BMP1: variants seen among roughly 807,000 people sequenced by gnomAD.
BMP1 encodes the protein mammalian tolloid protein.
In BMP1, 63 loss-of-function variants were observed where a neutral mutation model predicts 116.8. The ratio of observed to expected loss-of-function variants is 0.54; its 90% CI spans 0.44 to 0.67. The LOEUF is 0.67. Ranked by LOEUF, BMP1 falls within the 30% of genes least tolerant of loss-of-function variation. The pLI, the probability that BMP1 is intolerant of heterozygous loss-of-function variation, is 0.00. For synonymous variants in BMP1, 536 were observed against 533.4 expected (o/e 1.00, Z -0.07); for missense variants, 1,183 against 1,358.9 (o/e 0.87, Z 2.04).
At chr8:22,195,405 G>A in intron 12 of BMP1, 57 bp from the exon 13 acceptor site, 3 of 1,555,790 alleles carry the variant, frequency 1.9e-6, no homozygotes, top group Non-Finnish European at 1.7e-6. Flanking sequence ...GAGGCTCACA[G>A]CCAGCTTCTT....
rs777882480 is a variant in BMP1, at chr8:22,192,138, G to A, written c.1167G>A (p.Lys389=). Residue 389 remains lysine, a synonymous_variant, in exon 9 of 20, where the codon AAG becomes AAA. Coordinates refer to ENST00000306385, the MANE Select transcript of BMP1 (RefSeq NM_006129.5). Reference sequence around the variant, plus strand: ...AGGTCCGAGATGGCTTCTGGAGGAAGGCGCCCCTCCGAGGTAACGGCACCA... The same window carrying A: ...AGGTCCGAGATGGCTTCTGGAGGAAAGCGCCCCTCCGAGGTAACGGCACCA... The part of the protein sequence containing the change: ...YVEVRDGFWR[K]APLRGRFCGS... The A allele has an allele frequency of 5.6e-6, 9 of 1,613,454 alleles. No homozygotes were observed. The Admixed American group carries it at 1.3e-4, about 24-fold the overall frequency.
chr8:22,193,292 A>C (rs1828986451), intron 9 of BMP1, among the ~76,000 whole-genome samples: 1 of 152,232 alleles, frequency 6.6e-6, no homozygotes, highest in South Asian at 2.1e-4. Context: ...CATCCCTTGC[A>C]TTTGACCAAA....
chr8:22,199,161 G>GCA (rs773121693), intron 15 of BMP1: 5 of 1,367,454 alleles, frequency 3.7e-6, no homozygotes, highest in Non-Finnish European at 3.9e-6. Flanking sequence ...ACACACATGT[G>GCA]CACACACATT....
At position 22,204,732 on chromosome 8, in the gene BMP1, C is replaced by T. The variant is rs1312519373; in HGVS notation, c.2234-2122C>T. Among the ~76,000 whole-genome samples, 14 of 147,562 alleles carry T rather than the reference C, an allele frequency of 9.5e-5. No homozygotes were observed. The South Asian group carries it at 1.1e-3, about 12-fold the overall frequency. Reference sequence around the variant, plus strand: ...AGCAAGACCCTGTCCCCCCCCACCCCGCCCGCCCCCGCAAAAAGAAATTGA... The same window carrying T: ...AGCAAGACCCTGTCCCCCCCCACCCTGCCCGCCCCCGCAAAAAGAAATTGA... On this transcript the variant is annotated intron_variant, in intron 16 of 19. Transcript: ENST00000306385.
At chr8:22,210,513 C>G (rs892043426) in intron 19 of BMP1, among the ~76,000 whole-genome samples, 14 of 151,744 alleles carry the variant, frequency 9.2e-5, no homozygotes, top group Non-Finnish European at 1.9e-4. Flanking sequence ...CATGCACTTT[C>G]AAATACACTG....
intron 16 of BMP1, among the ~76,000 whole-genome samples, chr8:22,206,312 G>C (rs1829353285): frequency 6.6e-6 from 1 of 152,256 alleles, no homozygotes; most frequent in African/African-American, 2.4e-5. Context: ...GACTAGCCTG[G>C]CCAACATGGC....
intron 19 of BMP1, 41 bp from the exon 20 acceptor site, chr8:22,211,553 C>T (rs202210036): frequency 2.0e-5 from 33 of 1,613,016 alleles, no homozygotes; most frequent in Non-Finnish European, 2.6e-5. Context: ...GCAGCCCCAG[C>T]CCCTCTTCCT....
intron 13 of BMP1, 106 bp from the exon 14 acceptor site, chr8:22,196,574 G>T (rs1389204974): frequency 3.9e-6 from 6 of 1,539,122 alleles, no homozygotes; most frequent in Non-Finnish European, 5.3e-6. Flanking sequence ...GCCTTGGGGA[G>T]TCCACAGGCT....
chr8:22,169,070 T>A (rs1372438086), intron 1 of BMP1, among the ~76,000 whole-genome samples: 4 of 151,718 alleles, frequency 2.6e-5, no homozygotes, highest in Non-Finnish European at 4.4e-5. Context: ...TTGGGAGGCT[T>A]AGCTGGGAGG....
At chr8:22,196,179 AG>A (rs753413945) in intron 13 of BMP1, 1 of 521,636 alleles carries the variant, frequency 1.9e-6, no homozygotes, top group Non-Finnish European at 3.8e-6. Context: ...ACCACCCACC[AG>A]GGTGTTATGA....
At chr8:22,177,446 C>G in intron 5 of BMP1, 1 of 686,170 alleles carries the variant, frequency 1.5e-6, no homozygotes, top group Non-Finnish European at 2.7e-6. Context: ...GGGGACTGCT[C>G]AGGCCTTTCT....
chr8:22,188,045 T>C (rs1469292751), intron 8 of BMP1, among the ~76,000 whole-genome samples: 1 of 152,040 alleles, frequency 6.6e-6, no homozygotes, highest in Non-Finnish European at 1.5e-5. Flanking sequence ...CTATTACTTC[T>C]CCCCTGCCAG....
At chr8:22,174,958 C>T (rs1828390544) in intron 2 of BMP1, among the ~76,000 whole-genome samples, 1 of 152,200 alleles carries the variant, frequency 6.6e-6, no homozygotes, top group African/African-American at 2.4e-5. Flanking sequence ...TGAGGGTCTG[C>T]TCTGGGAACA....
At position 22,194,222 on chromosome 8, in the gene BMP1, G is replaced by A; in HGVS notation, c.1297+48G>A. 6.3e-7 allele frequency: 1 copy of A among 1,576,074 alleles called. No individual in the cohort carries two copies. Among genetic ancestry groups the A allele is most frequent in the Non-Finnish European group, 8.7e-7 (1 of 1,145,592 alleles). ...GGAGGAGTCAGATAGGAGGTCTCTGGGCATGGTAAAACAACTCCCTCCTGG... is the reference window on the plus strand; with the variant it reads ...GGAGGAGTCAGATAGGAGGTCTCTGAGCATGGTAAAACAACTCCCTCCTGG... On this transcript the variant is annotated intron_variant, in intron 10 of 19. Coordinates refer to ENST00000306385, the MANE Select transcript of BMP1 (RefSeq NM_006129.5). This position sits in a 1 kb window ranked among gnomAD's most constrained non-coding sequence, Gnocchi z 4.5.
At chr8:22,177,163 G>C in intron 5 of BMP1, 24 bp downstream of exon 5, 1 of 1,562,474 alleles carries the variant, frequency 6.4e-7, no homozygotes, top group Non-Finnish European at 8.7e-7. Flanking sequence ...CCTCGGTGCG[G>C]CCTTGGTGGG....
At chr8:22,188,803 C>A (rs1261742490) in intron 8 of BMP1, among the ~76,000 whole-genome samples, 1 of 152,202 alleles carries the variant, frequency 6.6e-6, no homozygotes, top group East Asian at 1.9e-4. Context: ...GGCGTGGTTT[C>A]TTCCTCAGCA....
rs148757411 is a variant in BMP1, at chr8:22,192,853, G to T, written c.1180+702G>T. ...AATCTCCTCCTAGCTGGACGTGATC[G>T]TAAGGAGCTCAGGACCACTCTTTGG... On this transcript the variant is annotated intron_variant, in intron 9 of 19. Coordinates refer to ENST00000306385, the MANE Select transcript of BMP1 (RefSeq NM_006129.5). Among the ~76,000 whole-genome samples the T allele has an allele frequency of 6.9e-3, 1,056 of 152,304 alleles. 14 individuals carry two copies. Among genetic ancestry groups the T allele is most frequent in the African/African-American group, 0.024 (1,012 of 41,560 alleles).
rs773637481 is a variant in BMP1, at chr8:22,201,154, C to A, written c.2108-649C>A. On this transcript the variant is annotated intron_variant, in intron 15 of 19. Transcript: ENST00000306385. ...GCTCTGCAGCCCCCTCGGGGACGCC[C>A]CCACCAGCTCAAATTCCGAGTGCAG... 1.1e-5 allele frequency: 18 copies of A among 1,613,394 alleles called. 1 individual carries two copies. The South Asian group carries it at 1.5e-4, about 14-fold the overall frequency.
intron 8 of BMP1, among the ~76,000 whole-genome samples, chr8:22,181,614 G>A (rs553728993): frequency 4.0e-5 from 6 of 150,914 alleles, no homozygotes; most frequent in African/African-American, 7.3e-5. Flanking sequence ...GTGCAGTGGC[G>A]CGATCTCAGC....
Sources: gnomAD v4.1 joint callset for allele counts (sites outside exome capture counted in the v4.1 genomes callset) on GRCh38, gnomAD v4.1.1 for gene constraint, Gnocchi (gnomAD v3.1) non-coding constraint, MANE v1.5 for transcripts, NCBI Gene and HGNC (gene_info 2026-07-23, HGNC 2026-07-21) for gene names.